Variants in CCDC92 observed in about 807,000 individuals in gnomAD.
CCDC92 encodes the protein coiled-coil domain containing 92, also known as coiled-coil domain-containing protein 92.
CCDC92 carries 12 observed loss-of-function variants against 24.9 expected under a neutral mutation model. The observed-to-expected ratio is 0.48, with a 90% confidence interval of 0.31 to 0.78. The LOEUF (loss-of-function observed/expected upper bound fraction) is 0.78, where lower values mean the gene tolerates loss of function less well. Among genes scored for constraint, CCDC92 ranks in the 30% least tolerant of loss-of-function variants. The probability of loss-of-function intolerance (pLI) is 0.05; values close to 1 mark genes in which losing one functional copy is unlikely to be tolerated. For missense variants in CCDC92, 399 were observed against 439.4 expected (o/e 0.91, Z 0.82); for synonymous variants, 193 against 196.3 (o/e 0.98, Z 0.14).
chr12:123,971,118 T>C (rs758987719), intron 1 of CCDC92, among the ~76,000 whole-genome samples: 8 of 152,250 alleles, frequency 5.3e-5, no homozygotes, highest in East Asian at 1.9e-4. Flanking sequence ...ACACAAATAA[T>C]TGTCCTGTAC....
intron 1 of CCDC92, among the ~76,000 whole-genome samples, chr12:123,963,199 C>A (rs1956315257): frequency 6.6e-6 from 1 of 152,170 alleles, no homozygotes; most frequent in Non-Finnish European, 1.5e-5. Flanking sequence ...GGCTGAGAAA[C>A]CCCCAGGGTT....
rs1955473544 is a variant in CCDC92 at position 123,935,931 on chromosome 12, A to C, written c.*1127T>G. 1 of 154,802 alleles carries C rather than the reference A, an allele frequency of 6.5e-6. No homozygotes were observed. The highest frequency in any genetic ancestry group is 2.0e-4 in the South Asian group (1 of 4,982). 9.6% of individuals were successfully genotyped at this position (154,802 alleles called of 1,614,324 possible). On this transcript the variant is annotated 3_prime_UTR_variant, in exon 5 of 5. Coordinates refer to ENST00000238156, the MANE Select transcript of CCDC92 (RefSeq NM_025140.3). ...CAGAAGTGACCAGTCACCTGGAGCC[A>C]CTTCTCCCCCTTCCAGAACTCTCTG...
intron 1 of CCDC92, chr12:123,956,345 G>A (rs1594489290): frequency 1.3e-5 from 2 of 152,046 alleles, no homozygotes; most frequent in Admixed American, 6.6e-5. Context: ...GCTTCAGCAC[G>A]TCCATGTAAG....
intron 1 of CCDC92, among the ~76,000 whole-genome samples, chr12:123,950,289 A>G (rs1208027458): frequency 6.6e-6 from 1 of 152,188 alleles, no homozygotes; most frequent in Non-Finnish European, 1.5e-5. Flanking sequence ...TTTGGCCCGG[A>G]AGGGAAAGCA....
intron 1 of CCDC92, among the ~76,000 whole-genome samples, chr12:123,964,186 G>A (rs987316513): frequency 2.0e-5 from 3 of 152,072 alleles, no homozygotes; most frequent in Non-Finnish European, 2.9e-5. Flanking sequence ...AATTGCTCAG[G>A]TTATAAAAGC....
Position 123,936,823 on chromosome 12 carries a change from A to T in CCDC92, c.*235T>A. 5.0e-6 allele frequency: 3 copies of T among 605,428 alleles called. No individual in the cohort carries two copies. Among genetic ancestry groups the T allele is most frequent in the Non-Finnish European group, 8.7e-6 (3 of 344,232 alleles). The allele number at this position is 605,428 out of a possible 1,614,324, so 37.5% of individuals were successfully genotyped here. On this transcript the variant is annotated 3_prime_UTR_variant, in exon 5 of 5. Coordinates refer to ENST00000238156, the MANE Select transcript of CCDC92 (RefSeq NM_025140.3). ...CTTAGGTTACACGGAGCGGGATCAG[A>T]AGCAAGCGATTCGGCACACAGGCGT...
intron 1 of CCDC92, among the ~76,000 whole-genome samples, chr12:123,970,751 G>C (rs954372242): frequency 6.6e-6 from 1 of 152,176 alleles, no homozygotes; most frequent in Admixed American, 6.5e-5. Context: ...ACTATTTATG[G>C]CTGACCTTGT....
chr12:123,967,177 T>C (rs765847949), intron 1 of CCDC92, among the ~76,000 whole-genome samples: 51 of 151,532 alleles, frequency 3.4e-4, no homozygotes, highest in East Asian at 7.8e-4. Context: ...CCGAGAGCAA[T>C]AGGGCATGTC....
intron 4 of CCDC92, among the ~76,000 whole-genome samples, chr12:123,941,767 C>T (rs574121301): frequency 1.2e-4 from 18 of 152,328 alleles, no homozygotes; most frequent in Admixed American, 1.1e-3. Context: ...GACTAGCTTC[C>T]TCTTTTCTTT....
Position 123,950,183 on chromosome 12 carries a change from A to T in CCDC92, c.-59-5819T>A, listed in dbSNP as rs372109797. Among the ~76,000 whole-genome samples the T allele has an allele frequency of 1.2e-4, 18 of 152,354 alleles. No homozygotes were observed. The South Asian group carries it at 3.5e-3, about 30-fold the overall frequency. On this transcript the variant is annotated intron_variant, in intron 1 of 4. Transcript: ENST00000238156. ...TGACGTCTGGGGCAGATTTAATTTC[A>T]TGCAGAAATTCAGATGTTTTCCAAG...
chr12:123,970,638 T>C (rs1210114998), intron 1 of CCDC92, among the ~76,000 whole-genome samples: 1 of 152,240 alleles, frequency 6.6e-6, no homozygotes, highest in East Asian at 1.9e-4. Flanking sequence ...TGTGTGAAGA[T>C]ACAAAGTCAC....
chr12:123,958,443 A>G (rs1260939074), intron 1 of CCDC92, among the ~76,000 whole-genome samples: 1 of 152,224 alleles, frequency 6.6e-6, no homozygotes, highest in Non-Finnish European at 1.5e-5. Flanking sequence ...CCAAATGCAG[A>G]TTCTTTCCAA....
chr12:123,948,513 A>T (rs1955941209), intron 1 of CCDC92, among the ~76,000 whole-genome samples: 1 of 152,158 alleles, frequency 6.6e-6, no homozygotes, highest in African/African-American at 2.4e-5. Flanking sequence ...GAGCAGGGAG[A>T]GTGTGACCAT....
At chr12:123,947,290 G>A (rs1044261519) in intron 1 of CCDC92, among the ~76,000 whole-genome samples, 4 of 152,240 alleles carry the variant, frequency 2.6e-5, no homozygotes, top group South Asian at 2.1e-4. Context: ...GACCAGTGCC[G>A]CTCCCTGCTC....
At chr12:123,957,699 CTTTTTTTTTTTTTTTT>C (rs59738995) in intron 1 of CCDC92, among the ~76,000 whole-genome samples, 1 of 75,922 alleles carries the variant, frequency 1.3e-5, no homozygotes, top group Non-Finnish European at 2.4e-5. Context: ...TTTTTTCCTT[CTTTTTTTTTTTTTTTT>C]TTTTTTTTGA....
At position 123,949,246 on chromosome 12, in the gene CCDC92, T is replaced by C. The variant is rs542886913; in HGVS notation, c.-59-4882A>G. 7.2e-5 allele frequency among the ~76,000 whole-genome samples: 11 copies of C among 152,352 alleles called. No individual in the cohort carries two copies. In the South Asian group the frequency reaches 2.3e-3, roughly 32 times the overall value. ...TCATCCAGCCCGTTTGGCAAAACGCTTGCACTTTCTGTGTCAAAAGGGCAT... is the reference window on the plus strand; with the variant it reads ...TCATCCAGCCCGTTTGGCAAAACGCCTGCACTTTCTGTGTCAAAAGGGCAT... On this transcript the variant is annotated intron_variant, in intron 1 of 4. Transcript: ENST00000238156.
intron 1 of CCDC92, among the ~76,000 whole-genome samples, chr12:123,952,203 C>T (rs1956043617): frequency 6.6e-6 from 1 of 152,162 alleles, no homozygotes; most frequent in Non-Finnish European, 1.5e-5. Context: ...TATAAATATA[C>T]CTCAAGATTA....
intron 1 of CCDC92, among the ~76,000 whole-genome samples, chr12:123,970,503 G>A (rs1251337410): frequency 6.6e-6 from 1 of 152,188 alleles, no homozygotes; most frequent in Non-Finnish European, 1.5e-5. Context: ...AGCCACTTCC[G>A]TGCCCAAATC....
intron 1 of CCDC92, chr12:123,945,825 T>G (rs1023239591): frequency 6.6e-6 from 1 of 152,224 alleles, no homozygotes. Flanking sequence ...AGAGCCCATA[T>G]GTTAGTGGCT....
Sources: gnomAD v4.1 joint callset for allele counts (sites outside exome capture counted in the v4.1 genomes callset) on GRCh38, gnomAD v4.1.1 for gene constraint, MANE v1.5 for transcripts, NCBI Gene and HGNC (gene_info 2026-07-23, HGNC 2026-07-21) for gene names.